Variants in MAP3K11 observed in about 807,000 individuals in gnomAD.
The protein encoded by MAP3K11 is SH3 domain-containing proline-rich kinase.
In MAP3K11, 46 loss-of-function variants were observed where a neutral mutation model predicts 84.9. The ratio of observed to expected loss-of-function variants is 0.54; its 90% CI spans 0.43 to 0.69. The LOEUF (loss-of-function observed/expected upper bound fraction) is 0.69, where lower values mean the gene tolerates loss of function less well. Ranked by LOEUF, MAP3K11 falls within the 30% of genes least tolerant of loss-of-function variation. The probability of loss-of-function intolerance (pLI) is 0.00; values close to 1 mark genes in which losing one functional copy is unlikely to be tolerated. For missense variants in MAP3K11, 1,053 were observed against 1,198.3 expected, an observed-to-expected ratio of 0.88 and a Z score of 1.79; for synonymous variants, 527 against 514.7, an observed-to-expected ratio of 1.02 and a Z score of -0.32.
intron 1 of MAP3K11, 59 bp downstream of exon 1, chr11:65,612,959 G>A (rs149904717): frequency 3.4e-6 from 5 of 1,491,242 alleles, no homozygotes; most frequent in Non-Finnish European, 4.5e-6. Context: ...TCAGTGGAAG[G>A]TTGGGAGCAG....
chr11:65,603,548 G>A (rs1854477010), intron 8 of MAP3K11, among the ~76,000 whole-genome samples: 1 of 152,258 alleles, frequency 6.6e-6, no homozygotes, highest in Non-Finnish European at 1.5e-5. Context: ...TGACTCTCCA[G>A]TGGTATGGCT....
Position 65,605,928 on chromosome 11 carries a change from G to A in MAP3K11, c.1739+18C>T. ...GAAAGCAAATGATGCTGGGTCTGGG[G>A]GGCACTCAGGTACTCACCTCCCATT... On this transcript the variant is annotated intron_variant, in intron 7 of 9. Transcript: ENST00000309100. 1.2e-6 allele frequency: 2 copies of A among 1,607,234 alleles called. No individual in the cohort carries two copies. The highest frequency in any genetic ancestry group is 1.7e-6 in the Non-Finnish European group (2 of 1,178,344).
At chr11:65,602,807 A>AC (rs945917658) in intron 8 of MAP3K11, among the ~76,000 whole-genome samples, 1 of 151,832 alleles carries the variant, frequency 6.6e-6, no homozygotes, top group African/African-American at 2.4e-5. Context: ...TCCTTCTAAA[A>AC]AAAAAAAAAG....
At chr11:65,605,203 T>C (rs1175259620) in intron 8 of MAP3K11, among the ~76,000 whole-genome samples, 1 of 152,158 alleles carries the variant, frequency 6.6e-6, no homozygotes, top group African/African-American at 2.4e-5. Context: ...GTAGGGCAGT[T>C]ACCGTCATGG....
At chr11:65,599,373 G>A (rs2135362141) in intron 9 of MAP3K11, 21 bp downstream of exon 9, 3 of 1,534,986 alleles carry the variant, frequency 2.0e-6, no homozygotes, top group African/African-American at 1.4e-5. Flanking sequence ...ATGTGAAGCA[G>A]GCCGGCTTCA....
At chr11:65,612,692 G>C in intron 1 of MAP3K11, 1 of 258,452 alleles carries the variant, frequency 3.9e-6, no homozygotes. Flanking sequence ...TGAGGAGCAC[G>C]AGCTTCCAGA....
rs767171001 is a variant in MAP3K11, at chr11:65,607,352, C to T, written c.1407G>A (p.Pro469=). ...ATGTCCCGCGGCGGCGGCGCACGTG[C>T]GGTCGCTCGCGGTCCACCTGCTGCA... is the stretch of plus-strand genomic sequence containing the variant. The part of the protein sequence containing the change: ...LLLQQVDRER[P]HVRRRRGTFK... Residue 469 remains proline (P), a synonymous_variant, in exon 5 of 10, where the codon CCG becomes CCA. Coordinates refer to ENST00000309100, the MANE Select transcript of MAP3K11 (RefSeq NM_002419.4). 24 of 1,497,378 alleles carry T rather than the reference C, an allele frequency of 1.6e-5. No individual in the cohort carries two copies. The African/African-American group carries it at 3.2e-4, about 20-fold the overall frequency. 92.8% of individuals were successfully genotyped at this position (1,497,378 alleles called of 1,614,324 possible). A position where few individuals can be genotyped will look rare whatever the true frequency, so the allele number is the denominator to read the frequency against.
intron 5 of MAP3K11, chr11:65,607,057 C>T (rs902216449): frequency 3.6e-5 from 27 of 754,926 alleles, no homozygotes; most frequent in Admixed American, 7.7e-5. Flanking sequence ...TGAACCCCAC[C>T]CCTTCCCACT....
At chr11:65,605,171 C>T (rs1854493954) in intron 8 of MAP3K11, among the ~76,000 whole-genome samples, 1 of 152,090 alleles carries the variant, frequency 6.6e-6, no homozygotes, top group South Asian at 2.1e-4. Context: ...TTCATCAATG[C>T]TTGGAGGGAA....
rs1264131233 is a variant in MAP3K11 at position 65,599,652 on chromosome 11, C to T, written c.1948G>A (p.Ala650Thr). 19 of 1,547,978 alleles carry T rather than the reference C, an allele frequency of 1.2e-5. No homozygotes were observed. The Admixed American group carries it at 1.6e-4, about 13-fold the overall frequency. The stretch of plus-strand genomic sequence containing the variant: ...CCAAGGCCCAGCGAGGCGAGCAGGG[C>T]GGTGCCGCGCAGCAGCGCCCGCTGG... Reference protein sequence around the residue: ...LIQRALLRGTALLASLGLGRD... With the variant: ...LIQRALLRGTTLLASLGLGRD... The change falls in exon 9 of 10, where the codon GCC becomes ACC. Residue 650 changes from alanine (A) to threonine (T), a missense_variant. Physicochemically the swap from Ala to Thr is moderately conservative, Grantham distance 58. Transcript: ENST00000309100.
intron 9 of MAP3K11, among the ~76,000 whole-genome samples, chr11:65,598,954 T>C (rs1402205662): frequency 6.6e-6 from 1 of 152,190 alleles, no homozygotes; most frequent in Non-Finnish European, 1.5e-5. Context: ...TATGACTAAA[T>C]GAGACCATCT....
intron 2 of MAP3K11, 69 bp from the exon 3 acceptor site, chr11:65,608,139 C>A: frequency 6.3e-7 from 1 of 1,599,900 alleles, no homozygotes; most frequent in Non-Finnish European, 8.6e-7. Flanking sequence ...TGCCACTTCA[C>A]CCAAAAGCAA....
At chr11:65,608,619 CT>C (rs112101273) in intron 1 of MAP3K11, 171 bp from the exon 2 acceptor site, 21,006 of 476,572 alleles carry the variant, frequency 0.044, 305 homozygotes, top group African/African-American at 0.13. Flanking sequence ...TTTTCTTTTC[CT>C]TTTTTTTTTT....
chr11:65,606,516 A>G, intron 6 of MAP3K11, 175 bp downstream of exon 6: 1 of 467,982 alleles, frequency 2.1e-6, no homozygotes, highest in Non-Finnish European at 3.8e-6. Flanking sequence ...AAAAAAAAAT[A>G]AGTAAAATTA....
chr11:65,599,563 G>C lies in MAP3K11; in HGVS notation c.2037C>G (p.Pro679=), dbSNP rs769337531. 2 of 1,499,546 alleles carry C rather than the reference G, an allele frequency of 1.3e-6. No homozygotes were observed. The highest frequency in any genetic ancestry group is 2.7e-5 in the South Asian group (2 of 74,602). 92.9% of individuals were successfully genotyped at this position (1,499,546 alleles called of 1,614,324 possible). ...TCGGGCAGGGCGCGGGCGTTGGCGT[G>C]GGGGGTGTTGTCGGGGACTCCCCGC... is the stretch of plus-strand genomic sequence containing the variant. ...RERGESPTTP[P]TPTPAPCPTE... The change falls in exon 9 of 10, where the codon CCC becomes CCG. Residue 679 remains proline, a synonymous_variant. Transcript: ENST00000309100.
In MAP3K11 at chr11:65,599,562, T is replaced by TG; in HGVS notation, c.2037dup (p.Thr680HisfsTer52). The TG allele has an allele frequency of 6.7e-7, 1 of 1,496,178 alleles. No homozygotes were observed. Among genetic ancestry groups the TG allele is most frequent in the Admixed American group, 2.6e-5 (1 of 39,026 alleles). The allele number at this position is 1,496,178 out of a possible 1,614,324, so 92.7% of individuals were successfully genotyped here. On this transcript the variant is annotated frameshift_variant, in exon 9 of 10. Transcript: ENST00000309100. LOFTEE classifies it high-confidence loss of function. Reference sequence around the variant, plus strand: ...GTCGGGCAGGGCGCGGGCGTTGGCGTGGGGGGTGTTGTCGGGGACTCCCCG... The same window carrying TG: ...GTCGGGCAGGGCGCGGGCGTTGGCGTGGGGGGGTGTTGTCGGGGACTCCCCG...
At position 65,607,363 on chromosome 11, in the gene MAP3K11, G is replaced by T; in HGVS notation, c.1396C>A (p.Arg466Ser). The change falls in exon 5 of 10, where the codon CGC (arginine) becomes AGC (serine). Residue 466 changes from arginine to serine, a missense_variant. This residue lies in a region of MAP3K11 where 583 missense variants were observed against 566.6 expected (regional missense o/e 1.03). Transcript: ENST00000309100. ...CGGCGGCGCACGTGCGGTCGCTCGC[G>T]GTCCACCTGCTGCAGCAGCAGCGTC... ...ELTLLLQQVD[R>S]ERPHVRRRRG... is the part of the protein sequence containing the mutation. 1 of 1,499,244 alleles carries T rather than the reference G, an allele frequency of 6.7e-7. No individual in the cohort carries two copies. The highest frequency in any genetic ancestry group is 8.8e-7 in the Non-Finnish European group (1 of 1,132,424). 92.9% of individuals were successfully genotyped at this position (1,499,244 alleles called of 1,614,324 possible). A position where few individuals can be genotyped will look rare whatever the true frequency, so the allele number is the denominator to read the frequency against.
At chr11:65,607,117 A>G in intron 5 of MAP3K11, 153 bp downstream of exon 5, 1 of 1,136,018 alleles carries the variant, frequency 8.8e-7, no homozygotes, top group Non-Finnish European at 1.2e-6. Context: ...ACAGACAGAA[A>G]AAAAACACTC....
intron 4 of MAP3K11, 48 bp downstream of exon 4, chr11:65,607,593 G>A (rs1565144695): frequency 1.9e-6 from 3 of 1,569,274 alleles, no homozygotes; most frequent in Non-Finnish European, 2.6e-6. Context: ...GCCCCAGGGA[G>A]ATCGGGGAGA....
Sources: allele counts gnomAD v4.1 joint callset (sites outside exome capture counted in the v4.1 genomes callset), GRCh38; gene constraint gnomAD v4.1.1; regional missense constraint gnomAD v4.1.1; transcripts MANE v1.5; gene names NCBI Gene and HGNC (gene_info 2026-07-23, HGNC 2026-07-21).